The following GALNTL6 variants were observed in gnomAD, a reference collection of about 807,000 sequenced individuals.
The protein encoded by GALNTL6 is polypeptide N-acetylgalactosaminyltransferase like 6.
Under a neutral mutation model 73.7 loss-of-function variants are expected in GALNTL6, and 46 were observed. The ratio of observed to expected loss-of-function variants is 0.62; its 90% CI spans 0.49 to 0.80. GALNTL6 has a LOEUF of 0.80. Among genes scored for constraint, GALNTL6 ranks in the 30% least tolerant of loss-of-function variants. The pLI is 0.00. For missense variants in GALNTL6, 604 were observed against 755.0 expected (o/e 0.80, Z 2.34); for synonymous variants, 259 against 263.7 (o/e 0.98, Z 0.17).
chr4:172,068,060 T>A lies in GALNTL6; in HGVS notation c.139-161596T>A, dbSNP rs1158110364. Reference sequence around the variant, plus strand: ...AGGTTTTTGTTGTTGTTGTTGTTTTTCCTGGACTGTGCTTCTTCCTGGAAC... The same window carrying A: ...AGGTTTTTGTTGTTGTTGTTGTTTTACCTGGACTGTGCTTCTTCCTGGAAC... On this transcript the variant is annotated intron_variant, in intron 2 of 12. Coordinates refer to ENST00000506823, the MANE Select transcript of GALNTL6 (RefSeq NM_001034845.3). Among the ~76,000 whole-genome samples the A allele has an allele frequency of 1.8e-5, 2 of 108,508 alleles. 1 individual carries two copies. The highest frequency in any genetic ancestry group is 4.1e-5 in the Non-Finnish European group (2 of 48,866). The allele number at this position is 108,508 out of a possible 152,430, so 71.2% of individuals were successfully genotyped here.
intron 5 of GALNTL6, among the ~76,000 whole-genome samples, chr4:172,365,463 G>C (rs964563354): frequency 6.6e-6 from 1 of 152,232 alleles, no homozygotes; most frequent in East Asian, 1.9e-4. Flanking sequence ...TAAAATGGTG[G>C]TTCTTGTCCA....
intron 3 of GALNTL6, among the ~76,000 whole-genome samples, chr4:172,293,389 A>G (rs1041084497): frequency 6.6e-6 from 1 of 152,140 alleles, no homozygotes; most frequent in Non-Finnish European, 1.5e-5. Context: ...TAAGATGGCA[A>G]TTGTTATAGA....
chr4:172,357,564 T>C (rs1742201922), intron 5 of GALNTL6, among the ~76,000 whole-genome samples: 1 of 152,042 alleles, frequency 6.6e-6, no homozygotes, highest in South Asian at 2.1e-4. Flanking sequence ...TCATCTTTTT[T>C]CTGCCTGGCC....
chr4:172,485,079 C>T (rs1369218818), intron 5 of GALNTL6, among the ~76,000 whole-genome samples: 1 of 151,860 alleles, frequency 6.6e-6, no homozygotes, highest in Non-Finnish European at 1.5e-5. Flanking sequence ...AAATGATAGT[C>T]CCAGTAATAA....
chr4:172,240,467 G>A (rs772497895), intron 3 of GALNTL6, among the ~76,000 whole-genome samples: 11 of 151,710 alleles, frequency 7.3e-5, no homozygotes, highest in Non-Finnish European at 1.3e-4. Flanking sequence ...TCCTGACCTC[G>A]TGATCCACCC....
intron 5 of GALNTL6, among the ~76,000 whole-genome samples, chr4:172,723,166 G>T (rs11735233): frequency 0.29 from 44,175 of 152,006 alleles, 6,868 homozygotes; most frequent in Middle Eastern, 0.45. Flanking sequence ...GCGTGGTTAG[G>T]TTGGGACTAC....
chr4:172,516,526 G>A (rs7659363), intron 5 of GALNTL6, among the ~76,000 whole-genome samples: 30,567 of 151,752 alleles, frequency 0.2, 3,387 homozygotes, highest in African/African-American at 0.28. Context: ...TCTAGTTGTC[G>A]TTCCAACGTA....
intron 2 of GALNTL6, among the ~76,000 whole-genome samples, chr4:171,898,831 T>C (rs919938642): frequency 6.6e-6 from 1 of 152,060 alleles, no homozygotes; most frequent in African/African-American, 2.4e-5. Context: ...TGCGTCAGAA[T>C]GTTAGCCTAG....
intron 5 of GALNTL6, among the ~76,000 whole-genome samples, chr4:172,362,618 A>C (rs954024156): frequency 6.6e-6 from 1 of 152,102 alleles, no homozygotes; most frequent in African/African-American, 2.4e-5. Flanking sequence ...TTCATTCTGT[A>C]CAACTAAACT....
rs776723677 is a variant in GALNTL6, at chr4:173,020,770, G to C, written c.1489-706G>C. ...ACATTTTAGCTAAATAAAGACCGTA[G>C]AGTGTTATTAAGGACTTTCTGGCCA... On this transcript the variant is annotated intron_variant, in intron 11 of 12. Coordinates refer to ENST00000506823, the MANE Select transcript of GALNTL6 (RefSeq NM_001034845.3). Among the ~76,000 whole-genome samples, 20 of 152,194 alleles carry C rather than the reference G, an allele frequency of 1.3e-4. 1 individual carries two copies. Among genetic ancestry groups the C allele is most frequent in the Admixed American group, 2.6e-4 (4 of 15,284 alleles).
intron 3 of GALNTL6, among the ~76,000 whole-genome samples, chr4:172,303,800 A>G (rs1386639646): frequency 1.3e-5 from 2 of 152,140 alleles, no homozygotes; most frequent in Non-Finnish European, 2.9e-5. Flanking sequence ...GCTGTTTTAT[A>G]TCTTTTGACT....
At chr4:172,751,033 C>T (rs1411120527) in intron 5 of GALNTL6, among the ~76,000 whole-genome samples, 1 of 152,080 alleles carries the variant, frequency 6.6e-6, no homozygotes, top group Admixed American at 6.6e-5. Flanking sequence ...GATATCAGAA[C>T]TGAAACTACC....
At chr4:172,748,208 G>T (rs2110768642) in intron 5 of GALNTL6, among the ~76,000 whole-genome samples, 1 of 152,236 alleles carries the variant, frequency 6.6e-6, no homozygotes, top group Admixed American at 6.5e-5. Flanking sequence ...CCAGTTCAGG[G>T]ATGAGGGTGG....
At chr4:173,033,684 A>C (rs1753564807) in intron 12 of GALNTL6, among the ~76,000 whole-genome samples, 1 of 152,174 alleles carries the variant, frequency 6.6e-6, no homozygotes, top group African/African-American at 2.4e-5. Flanking sequence ...AAACTAAGTG[A>C]CCACAAAAGG....
At chr4:172,516,380 T>C (rs1279740314) in intron 5 of GALNTL6, among the ~76,000 whole-genome samples, 1 of 152,152 alleles carries the variant, frequency 6.6e-6, no homozygotes, top group African/African-American at 2.4e-5. Context: ...TCATGACTCC[T>C]CACATATTGG....
chr4:171,915,094 T>C (rs946101354), intron 2 of GALNTL6, among the ~76,000 whole-genome samples: 6 of 152,156 alleles, frequency 3.9e-5, no homozygotes, highest in African/African-American at 1.4e-4. Context: ...AAACATGGGC[T>C]ATAACTTATA....
chr4:171,931,952 A>G (rs1216252351), intron 2 of GALNTL6, among the ~76,000 whole-genome samples: 2 of 151,822 alleles, frequency 1.3e-5, no homozygotes, highest in Non-Finnish European at 2.9e-5. Flanking sequence ...TTGTTATACT[A>G]AAAGTTATCA....
chr4:172,008,412 G>T (rs186310820), intron 2 of GALNTL6, among the ~76,000 whole-genome samples: 12 of 152,074 alleles, frequency 7.9e-5, no homozygotes, highest in African/African-American at 2.7e-4. Flanking sequence ...GTCTCCATCC[G>T]TGTTAAATCT....
At chr4:172,476,744 C>G (rs549757613) in intron 5 of GALNTL6, among the ~76,000 whole-genome samples, 5 of 152,134 alleles carry the variant, frequency 3.3e-5, no homozygotes, top group Admixed American at 2.0e-4. Context: ...TGTTCTTGTA[C>G]TTTTCTATTA....
Sources: gnomAD v4.1 joint callset for allele counts (sites outside exome capture counted in the v4.1 genomes callset) on GRCh38, gnomAD v4.1.1 for gene constraint, MANE v1.5 for transcripts, NCBI Gene and HGNC (gene_info 2026-07-23, HGNC 2026-07-21) for gene names.